Variants in FBH1 observed in about 807,000 individuals in gnomAD.
FBH1 encodes F-box DNA helicase 1.
A neutral mutation model predicts 115.5 loss-of-function variants in FBH1; 43 were observed. The ratio of observed to expected loss-of-function variants is 0.37; its 90% confidence interval spans 0.29 to 0.48. The LOEUF is 0.48. Ranked by LOEUF, FBH1 falls within the 20% of genes least tolerant of loss-of-function variation. The pLI is 0.99. For synonymous variants in FBH1, 524 were observed against 507.8 expected, an observed-to-expected ratio of 1.03 and a Z score of -0.43; for missense variants, 1,001 against 1,337.3, an observed-to-expected ratio of 0.75 and a Z score of 3.92.
chr10:5,896,294 A>G (rs1458871509), intron 1 of FBH1, among the ~76,000 whole-genome samples: 2 of 152,026 alleles, frequency 1.3e-5, no homozygotes, highest in South Asian at 2.1e-4. Context: ...CAAGGTGAAG[A>G]GATTTGAGGG....
At position 5,914,380 on chromosome 10, in the gene FBH1, A is replaced by G. The variant is rs1831796209; in HGVS notation, c.1396+111A>G. The G allele has an allele frequency of 2.3e-6, 2 of 864,872 alleles. No individual in the cohort carries two copies. The highest frequency in any genetic ancestry group is 2.2e-5 in the Admixed American group (1 of 46,376). The allele number at this position is 864,872 out of a possible 1,614,324, so 53.6% of individuals were successfully genotyped here. A position where few individuals can be genotyped will look rare whatever the true frequency, so the allele number is the denominator to read the frequency against. On this transcript the variant is annotated intron_variant, in intron 8 of 20. Coordinates refer to ENST00000362091, the MANE Select transcript of FBH1 (RefSeq NM_178150.3). This position sits in a 1 kb window ranked among gnomAD's most constrained non-coding sequence, Gnocchi z 5.2. ...TTTGCTCTGATCTGTCATCCAACTA[A>G]TAATTCAATAACAGATCAAATAATC...
chr10:5,928,787 CT>C (rs1283673433), intron 19 of FBH1: 1 of 152,220 alleles, frequency 6.6e-6, no homozygotes, highest in African/African-American at 2.4e-5. Flanking sequence ...CTAATAGTTA[CT>C]ACTTAGTCCA....
rs548486658 is a variant in FBH1 at position 5,918,633 on chromosome 10, G to A, written c.2100+155G>A. 5.7e-4 allele frequency among the ~76,000 whole-genome samples: 87 copies of A among 151,842 alleles called. No individual in the cohort carries two copies. Among genetic ancestry groups the A allele is most frequent in the Non-Finnish European group, 1.0e-3 (69 of 67,924 alleles). On this transcript the variant is annotated intron_variant, in intron 13 of 20. Coordinates refer to ENST00000362091, the MANE Select transcript of FBH1 (RefSeq NM_178150.3). This position sits in a 1 kb window ranked among gnomAD's most constrained non-coding sequence, Gnocchi z 4.0. ...AGTGTGGTTCTCAGGGGTCTGCCAAGTCACACTGTTTTCATAAGAGGTGTG... is the reference window on the plus strand; with the variant it reads ...AGTGTGGTTCTCAGGGGTCTGCCAAATCACACTGTTTTCATAAGAGGTGTG...
intron 1 of FBH1, among the ~76,000 whole-genome samples, chr10:5,890,615 A>G (rs1002193331): frequency 6.6e-6 from 1 of 151,022 alleles, no homozygotes; most frequent in Non-Finnish European, 1.5e-5. Context: ...CCCCGAGGCC[A>G]GGAAGGCGCA....
intron 2 of FBH1, among the ~76,000 whole-genome samples, chr10:5,903,529 A>G (rs1164031819): frequency 6.6e-6 from 1 of 151,684 alleles, no homozygotes; most frequent in Non-Finnish European, 1.5e-5. Flanking sequence ...GGGTTTCTCC[A>G]TGTTGGTCAG....
rs1275984327 is a variant in FBH1, at chr10:5,912,941, G to C, written c.1212-806G>C. 2.0e-5 allele frequency among the ~76,000 whole-genome samples: 3 copies of C among 152,262 alleles called. No homozygotes were observed. The East Asian group carries it at 5.8e-4, about 29-fold the overall frequency. On this transcript the variant is annotated intron_variant, in intron 6 of 20. Transcript: ENST00000362091. ...TAATATAATCACATCTGAAATGTTG[G>C]ATTATTAAAGGTATTTGTTGCATTG...
rs557333217 is a variant in FBH1 at position 5,897,043 on chromosome 10, T to A, written c.2-5977T>A. 2.0e-5 allele frequency among the ~76,000 whole-genome samples: 3 copies of A among 152,324 alleles called. No individual in the cohort carries two copies. The highest frequency in any genetic ancestry group is 7.2e-5 in the African/African-American group (3 of 41,568). On this transcript the variant is annotated intron_variant, in intron 1 of 20. Coordinates refer to ENST00000362091, the MANE Select transcript of FBH1 (RefSeq NM_178150.3). The surrounding 1 kb of genome is among the most constrained non-coding windows in gnomAD (Gnocchi z 4.7). ...AGTGTTTTGGTTTTATTTTTAACCA[T>A]TTAGCAAGAACATTAATGCTATTAA...
At chr10:5,896,606 G>A (rs1433216270) in intron 1 of FBH1, among the ~76,000 whole-genome samples, 1 of 152,166 alleles carries the variant, frequency 6.6e-6, no homozygotes, top group Non-Finnish European at 1.5e-5. Flanking sequence ...GGAAGAGAGT[G>A]TCCAAGGGTG....
At position 5,895,006 on chromosome 10, in the gene FBH1, TGA is replaced by T; in HGVS notation, c.1+4665_1+4666del. ...GTGAATACTTTTATGGTGCTGGAGT[TGA>T]GAGATAACACAGTTAACTGTTGAAA... On this transcript the variant is annotated intron_variant, in intron 1 of 20. Coordinates refer to ENST00000362091, the MANE Select transcript of FBH1 (RefSeq NM_178150.3). This position sits in a 1 kb window ranked among gnomAD's most constrained non-coding sequence, Gnocchi z 5.0. 6.3e-7 allele frequency: 1 copy of T among 1,585,564 alleles called. No individual in the cohort carries two copies. The highest frequency in any genetic ancestry group is 8.6e-7 in the Non-Finnish European group (1 of 1,161,034).
chr10:5,924,660 T>C lies in FBH1; in HGVS notation c.2596+152T>C. The C allele has an allele frequency of 1.3e-6, 1 of 766,078 alleles. No individual in the cohort carries two copies. The highest frequency in any genetic ancestry group is 2.2e-6 in the Non-Finnish European group (1 of 457,316). The allele number at this position is 766,078 out of a possible 1,614,324, so 47.5% of individuals were successfully genotyped here. On this transcript the variant is annotated intron_variant, in intron 17 of 20. Coordinates refer to ENST00000362091, the MANE Select transcript of FBH1 (RefSeq NM_178150.3). The surrounding 1 kb of genome is among the most constrained non-coding windows in gnomAD (Gnocchi z 6.2). Reference sequence around the variant, plus strand: ...TTGGCTCACTGCAATGCCCACCTTCTGGGTTCAAGCAATTATCCTGCCTCA... The same window carrying C: ...TTGGCTCACTGCAATGCCCACCTTCCGGGTTCAAGCAATTATCCTGCCTCA...
At chr10:5,894,633 G>C (rs1286195023) in intron 1 of FBH1, 1 of 722,742 alleles carries the variant, frequency 1.4e-6, no homozygotes, top group Non-Finnish European at 2.6e-6. Context: ...TGGGAGAGTT[G>C]AGAGCTTCAA....
In FBH1 at chr10:5,913,029, T is replaced by C. The variant is rs757936159; in HGVS notation, c.1212-718T>C. 1.3e-5 allele frequency among the ~76,000 whole-genome samples: 2 copies of C among 152,032 alleles called. No individual in the cohort carries two copies. The highest frequency in any genetic ancestry group is 2.9e-5 in the Non-Finnish European group (2 of 67,992). On this transcript the variant is annotated intron_variant, in intron 6 of 20. Transcript: ENST00000362091. This position sits in a 1 kb window ranked among gnomAD's most constrained non-coding sequence, Gnocchi z 4.4. ...GGGGATGGGGGGCAGTGCACTCGAT[T>C]GTTGGGGGAGCGAGTCCAAGCTCAC...
intron 3 of FBH1, 83 bp from the exon 4 acceptor site, chr10:5,908,842 C>T: frequency 1.4e-6 from 2 of 1,478,868 alleles, no homozygotes; most frequent in East Asian, 2.3e-5. Context: ...AACTCCTGAC[C>T]TCAGGCGATC....
In FBH1 at chr10:5,906,266, A is replaced by G; in HGVS notation, c.387A>G (p.Glu129=). 1 of 1,614,096 alleles carries G rather than the reference A, an allele frequency of 6.2e-7. No individual in the cohort carries two copies. The highest frequency in any genetic ancestry group is 8.5e-7 in the Non-Finnish European group (1 of 1,179,950). Residue 129 remains glutamate, a synonymous_variant, in exon 3 of 21, where the codon GAA becomes GAG. Transcript: ENST00000362091. This position sits in a 1 kb window ranked among gnomAD's most constrained non-coding sequence, Gnocchi z 7.3. The part of the protein sequence containing the change: ...PSRKRSWSSE[E]ESNQATGTSR... ...GGAAGCGGTCTTGGTCCTCTGAGGA[A>G]GAGAGTAACCAGGCTACCGGGACCA...
Position 5,932,782 on chromosome 10 carries a change from A to G in FBH1, c.2830-3674A>G, listed in dbSNP as rs1006536988. Among the ~76,000 whole-genome samples, 14 of 152,076 alleles carry G rather than the reference A, an allele frequency of 9.2e-5. No individual in the cohort carries two copies. Among genetic ancestry groups the G allele is most frequent in the African/African-American group, 1.9e-4 (8 of 41,416 alleles). ...ACCCAGGCTGGAATATGGCGGCACAATCTTGGCCCACTGCAACCTCCGCCT... is the reference window on the plus strand; with the variant it reads ...ACCCAGGCTGGAATATGGCGGCACAGTCTTGGCCCACTGCAACCTCCGCCT... On this transcript the variant is annotated intron_variant, in intron 19 of 20. Transcript: ENST00000362091. This position sits in a 1 kb window ranked among gnomAD's most constrained non-coding sequence, Gnocchi z 5.9.
In FBH1 at chr10:5,911,681, T is replaced by C. The variant is rs1456214496; in HGVS notation, c.1211+553T>C. Among the ~76,000 whole-genome samples the C allele has an allele frequency of 6.6e-6, 1 of 152,028 alleles. No individual in the cohort carries two copies. The highest frequency in any genetic ancestry group is 2.4e-5 in the African/African-American group (1 of 41,376). On this transcript the variant is annotated intron_variant, in intron 6 of 20. Coordinates refer to ENST00000362091, the MANE Select transcript of FBH1 (RefSeq NM_178150.3). The surrounding 1 kb of genome is among the most constrained non-coding windows in gnomAD (Gnocchi z 5.4). ...ACGAGCCGGTCCACTGTGACCGGCT[T>C]AGAGGAGTTAGAGGAGATTCCTGAT...
Position 5,921,394 on chromosome 10 carries a change from A to G in FBH1, c.2200+37A>G, listed in dbSNP as rs112313542. On this transcript the variant is annotated intron_variant, in intron 14 of 20. Transcript: ENST00000362091. This position sits in a 1 kb window ranked among gnomAD's most constrained non-coding sequence, Gnocchi z 6.4. ...AGTTACTCTTCTCTTTTGTGTTACA[A>G]AAGTTTTCCTCTTTATTTCAATTTG... 173 of 1,610,780 alleles carry G rather than the reference A, an allele frequency of 1.1e-4. 1 individual carries two copies. In the South Asian group the frequency reaches 1.2e-3, roughly 11 times the overall value.
In FBH1 at chr10:5,924,217, C is replaced by A; in HGVS notation, c.2399-94C>A. ...CCGGGTCTCCCCACTTTAAGACCAT[C>A]TGCTCTTGCGCAGCTGCTTAGGAAC... On this transcript the variant is annotated intron_variant, in intron 16 of 20. Coordinates refer to ENST00000362091, the MANE Select transcript of FBH1 (RefSeq NM_178150.3). The surrounding 1 kb of genome is among the most constrained non-coding windows in gnomAD (Gnocchi z 6.2). 7.9e-7 allele frequency: 1 copy of A among 1,259,604 alleles called. No homozygotes were observed. The highest frequency in any genetic ancestry group is 1.3e-5 in the South Asian group (1 of 77,746). The allele number at this position is 1,259,604 out of a possible 1,614,324, so 78.0% of individuals were successfully genotyped here.
rs760640937 is a variant in FBH1, at chr10:5,913,861, CGT to C, written c.1304+27_1304+28del. 7.7e-6 allele frequency: 12 copies of C among 1,555,716 alleles called. No homozygotes were observed. Among genetic ancestry groups the C allele is most frequent in the Admixed American group, 1.9e-5 (1 of 51,546 alleles). ...CAGGGTATGTGTATATGTGCGTCAG[CGT>C]GTGTTTTGTCTTCTGTCGACTCTTC... On this transcript the variant is annotated intron_variant, in intron 7 of 20. Transcript: ENST00000362091. This position sits in a 1 kb window ranked among gnomAD's most constrained non-coding sequence, Gnocchi z 4.4.
Sources: gnomAD v4.1 joint callset for allele counts (sites outside exome capture counted in the v4.1 genomes callset) on GRCh38, gnomAD v4.1.1 for gene constraint, Gnocchi (gnomAD v3.1) non-coding constraint, MANE v1.5 for transcripts, NCBI Gene and HGNC (gene_info 2026-07-23, HGNC 2026-07-21) for gene names.